DMD: variants seen among roughly 807,000 people sequenced by gnomAD.
DMD encodes dystrophin, also known as mutant dystrophin.
In DMD, 63 loss-of-function variants were observed where a neutral mutation model predicts 330.1. The ratio of observed to expected loss-of-function variants is 0.19; its 90% CI spans 0.16 to 0.24. The LOEUF is 0.24. Ranked by LOEUF, DMD falls within the 10% of genes least tolerant of loss-of-function variation. The pLI, the probability that DMD is intolerant of heterozygous loss-of-function variation, is 1.00. For missense variants in DMD, 3,344 were observed against 2,684.1 expected, an observed-to-expected ratio of 1.25 and a Z score of -5.43; for synonymous variants, 1,223 against 959.8, an observed-to-expected ratio of 1.27 and a Z score of -5.07.
At chrX:32,431,701 TAC>T (rs753985589) in intron 29 of DMD, among the ~76,000 whole-genome samples, 4 of 112,009 alleles carry the variant, frequency 3.6e-5, no homozygotes, top group Non-Finnish European at 7.5e-5. Flanking sequence ...ATTCCATTTT[TAC>T]AATGTTTTCT....
At chrX:32,340,030 A>G (rs975159867) in intron 41 of DMD, among the ~76,000 whole-genome samples, 2 of 111,938 alleles carry the variant, frequency 1.8e-5, no homozygotes, top group Non-Finnish European at 3.8e-5. Context: ...AGATAACTCT[A>G]ATCAGTGGCC....
chrX:31,325,682 T>C (rs1048930368), intron 61 of DMD, among the ~76,000 whole-genome samples: 4 of 111,288 alleles, frequency 3.6e-5, no homozygotes, highest in Non-Finnish European at 1.9e-5. Flanking sequence ...GAGTCTGTTG[T>C]TATGGAAATA....
intron 44 of DMD, among the ~76,000 whole-genome samples, chrX:31,975,958 T>C (rs1233306149): frequency 1.8e-5 from 2 of 111,802 alleles, no homozygotes; most frequent in Admixed American, 9.5e-5. Flanking sequence ...AGTTCTCTAC[T>C]GGTATTTGCC....
At chrX:32,811,295 T>C (rs2077354682) in intron 6 of DMD, among the ~76,000 whole-genome samples, 1 of 110,574 alleles carries the variant, frequency 9.0e-6, no homozygotes, top group African/African-American at 3.3e-5. Context: ...GCCATGATTG[T>C]ACCACTGCAC....
chrX:32,332,832 G>A (rs1487034420), intron 41 of DMD, among the ~76,000 whole-genome samples: 1 of 108,665 alleles, frequency 9.2e-6, no homozygotes, highest in East Asian at 2.8e-4. Flanking sequence ...AAGAAAGCAT[G>A]CGTAGATTTT....
At chrX:32,330,457 A>C (rs2097673610) in intron 41 of DMD, among the ~76,000 whole-genome samples, 1 of 111,904 alleles carries the variant, frequency 8.9e-6, no homozygotes, top group African/African-American at 3.2e-5. Context: ...AAGTGATTTA[A>C]TTATTTTTAA....
At chrX:32,555,971 G>A (rs1242738597) in intron 16 of DMD, among the ~76,000 whole-genome samples, 1 of 111,628 alleles carries the variant, frequency 9.0e-6, no homozygotes, top group East Asian at 2.8e-4. Context: ...CTGACAAAGG[G>A]GATCTAATTA....
intron 61 of DMD, among the ~76,000 whole-genome samples, chrX:31,334,369 A>C (rs2057311287): frequency 8.9e-6 from 1 of 112,188 alleles, no homozygotes; most frequent in Non-Finnish European, 1.9e-5. Flanking sequence ...GTTCCTATCA[A>C]AAGGAATACC....
chrX:32,747,669 A>C lies in DMD; in HGVS notation c.650-48376T>G, dbSNP rs185925245. Reference sequence around the variant, plus strand: ...CACCTCGCTAATTTTTTTTTTAAGTATTTTTTGCTGTGTTTCTCAGTCTTG... The same window carrying C: ...CACCTCGCTAATTTTTTTTTTAAGTCTTTTTTGCTGTGTTTCTCAGTCTTG... On this transcript the variant is annotated intron_variant, in intron 7 of 78. Transcript: ENST00000357033. Among the ~76,000 whole-genome samples the C allele has an allele frequency of 2.8e-3, 310 of 109,853 alleles. 1 individual carries two copies. The highest frequency in any genetic ancestry group is 9.2e-3 in the African/African-American group (276 of 30,131).
At chrX:31,893,185 C>T (rs1461546733) in intron 47 of DMD, among the ~76,000 whole-genome samples, 1 of 111,652 alleles carries the variant, frequency 9.0e-6, no homozygotes, top group Non-Finnish European at 1.9e-5. Context: ...ATTTTTCTTG[C>T]CCCCACTAAA....
intron 53 of DMD, among the ~76,000 whole-genome samples, chrX:31,665,204 T>C (rs772657583): frequency 5.1e-4 from 57 of 111,981 alleles, no homozygotes; most frequent in African/African-American, 1.8e-3. Flanking sequence ...TGGGTTTATT[T>C]TAACTGAGCT....
intron 13 of DMD, among the ~76,000 whole-genome samples, chrX:32,581,963 T>C (rs2053700210): frequency 8.9e-6 from 1 of 111,932 alleles, no homozygotes; most frequent in African/African-American, 3.2e-5. Flanking sequence ...CCATCTCAAA[T>C]GATTCTGGAA....
intron 5 of DMD, among the ~76,000 whole-genome samples, 163 bp from the exon 6 acceptor site, chrX:32,816,803 G>T (rs749232752): frequency 9.0e-6 from 1 of 111,652 alleles, no homozygotes; most frequent in East Asian, 2.8e-4. Context: ...TATTCTCAAA[G>T]GCTAGGAGTC....
At chrX:32,127,122 C>T (rs934515791) in intron 44 of DMD, among the ~76,000 whole-genome samples, 9 of 111,676 alleles carry the variant, frequency 8.1e-5, no homozygotes, top group South Asian at 3.7e-4. Context: ...CTTGACTAAA[C>T]TCTAGTATGG....
intron 1 of DMD, among the ~76,000 whole-genome samples, chrX:33,268,927 A>G (rs1223550805): frequency 9.3e-6 from 1 of 107,746 alleles, no homozygotes; most frequent in East Asian, 2.9e-4. Flanking sequence ...AAAAAAAAAA[A>G]AATCAAAAGA....
At chrX:32,838,255 G>C (rs1187748510) in intron 4 of DMD, among the ~76,000 whole-genome samples, 2 of 111,218 alleles carry the variant, frequency 1.8e-5, no homozygotes, top group African/African-American at 6.5e-5. Flanking sequence ...GATTTTTCCT[G>C]TTTTATATTT....
chrX:31,939,056 T>C (rs1485675157), intron 45 of DMD, among the ~76,000 whole-genome samples: 2 of 111,857 alleles, frequency 1.8e-5, no homozygotes, highest in Non-Finnish European at 3.8e-5. Flanking sequence ...GTTGTTTTGA[T>C]TGAAGTAAAA....
At chrX:32,092,001 T>A (rs2096478206) in intron 44 of DMD, among the ~76,000 whole-genome samples, 1 of 111,907 alleles carries the variant, frequency 8.9e-6, no homozygotes, top group Admixed American at 9.5e-5. Flanking sequence ...TACATGGTTT[T>A]CAAGAAAACA....
chrX:31,367,933 C>G (rs1025562509), intron 60 of DMD, among the ~76,000 whole-genome samples: 3 of 112,183 alleles, frequency 2.7e-5, no homozygotes, highest in Admixed American at 9.4e-5. Flanking sequence ...ACCAAGAAGA[C>G]TGACACTGCC....
Sources: gnomAD v4.1 joint callset for allele counts (sites outside exome capture counted in the v4.1 genomes callset) on GRCh38, gnomAD v4.1.1 for gene constraint, MANE v1.5 for transcripts, NCBI Gene and HGNC (gene_info 2026-07-23, HGNC 2026-07-21) for gene names.